The following ZNF354A variants were observed in gnomAD, a reference collection of about 807,000 sequenced individuals.
ZNF354A encodes the protein epididymis luminal protein 104.
ZNF354A carries 25 observed loss-of-function variants against 53.3 expected under a neutral mutation model. The ratio of observed to expected loss-of-function variants is 0.47; its 90% CI spans 0.34 to 0.66. ZNF354A has a LOEUF of 0.66. ZNF354A is among the 30% of genes least tolerant of loss of function. The probability of loss-of-function intolerance (pLI) is 0.01; values close to 1 mark genes in which losing one functional copy is unlikely to be tolerated. For missense variants in ZNF354A, 586 were observed against 716.8 expected (o/e 0.82, Z 2.08); for synonymous variants, 228 against 249.0 (o/e 0.92, Z 0.79).
chr5:178,721,370 A>C (rs890448672), intron 4 of ZNF354A, among the ~76,000 whole-genome samples: 91 of 152,204 alleles, frequency 6.0e-4, no homozygotes, highest in African/African-American at 2.1e-3. Flanking sequence ...TGTGCATCTC[A>C]ACATATTAAA....
rs763777618 is a variant in ZNF354A, at chr5:178,713,212, G to T, written c.666C>A (p.Thr222=). ...KRYKCSLCEK[T]FINTSSLRKH... is the part of the protein sequence containing the mutation. The stretch of plus-strand genomic sequence containing the variant: ...TACGAAGGGATGAAGTGTTAATGAA[G>T]GTTTTTTCACACAGACTACATTTAT... The change falls in exon 5 of 5, where the codon ACC becomes ACA. Residue 222 remains threonine, a synonymous_variant. Transcript: ENST00000335815. 6.2e-7 allele frequency: 1 copy of T among 1,614,134 alleles called. No individual in the cohort carries two copies. Among genetic ancestry groups the T allele is most frequent in the East Asian group, 2.2e-5 (1 of 44,872 alleles).
At chr5:178,729,932 C>A (rs1009184814) in intron 1 of ZNF354A, among the ~76,000 whole-genome samples, 1 of 149,204 alleles carries the variant, frequency 6.7e-6, no homozygotes, top group East Asian at 2.0e-4. Flanking sequence ...GGCTTGATCT[C>A]GGCTCACTGC....
At position 178,712,310 on chromosome 5, in the gene ZNF354A, C is replaced by G; in HGVS notation, c.1568G>C (p.Arg523Pro). Residue 523 changes from arginine (R) to proline (P), a missense_variant, in exon 5 of 5, where the codon CGA becomes CCA. By Grantham distance (103) the Arg-to-Pro change is moderately radical. Transcript: ENST00000335815. ...QRIHTGEKPY[R>P]CEECGISFGQ... ...AAAAGATATCCCACATTCCTCACAT[C>G]GATATGGTTTCTCTCCAGTATGAAT... is the stretch of plus-strand genomic sequence containing the variant. 6.2e-7 allele frequency: 1 copy of G among 1,614,028 alleles called. No homozygotes were observed. Among genetic ancestry groups the G allele is most frequent in the Non-Finnish European group, 8.5e-7 (1 of 1,179,992 alleles).
At chr5:178,728,464 A>C (rs10043035) in intron 2 of ZNF354A, among the ~76,000 whole-genome samples, 37,759 of 151,240 alleles carry the variant, frequency 0.25, 5,220 homozygotes, top group South Asian at 0.35. Context: ...TGCATACACA[A>C]ACACACACAC....
chr5:178,724,792 A>G (rs1274817638), intron 4 of ZNF354A, among the ~76,000 whole-genome samples: 2 of 152,170 alleles, frequency 1.3e-5, no homozygotes, highest in Admixed American at 6.5e-5. Flanking sequence ...CGTCCTAACA[A>G]TGCTCTGTAA....
intron 2 of ZNF354A, 121 bp from the exon 3 acceptor site, chr5:178,727,246 C>T (rs1352690900): frequency 1.7e-6 from 2 of 1,194,368 alleles, no homozygotes; most frequent in Non-Finnish European, 1.1e-6. Context: ...CTGAAGGTTC[C>T]AGATCATTCG....
chr5:178,713,407 T>C lies in ZNF354A; in HGVS notation c.471A>G (p.Arg157=), dbSNP rs545687958. 1.2e-6 allele frequency: 2 copies of C among 1,613,652 alleles called. No individual in the cohort carries two copies. The highest frequency in any genetic ancestry group is 1.7e-6 in the Non-Finnish European group (2 of 1,179,944). The change falls in exon 5 of 5, where the codon AGA becomes AGG. Residue 157 remains arginine (R), a synonymous_variant. Transcript: ENST00000335815. The part of the protein sequence containing the change: ...ATHKKIPTIE[R]SHKNTELSQN... ...GGCTCAATTCAGTATTTTTATGGCT[T>C]CTTTCTATAGTGGGGATTTTTTTGT...
chr5:178,719,124 A>G (rs1377921434), intron 4 of ZNF354A, among the ~76,000 whole-genome samples: 1 of 152,164 alleles, frequency 6.6e-6, no homozygotes, highest in African/African-American at 2.4e-5. Context: ...AATACACAGA[A>G]TTGGTCATGT....
intron 4 of ZNF354A, among the ~76,000 whole-genome samples, chr5:178,723,013 CCA>C: frequency 6.6e-6 from 1 of 152,164 alleles, no homozygotes; most frequent in Non-Finnish European, 1.5e-5. Flanking sequence ...TTGGCGCCCC[CCA>C]TGACACACTG....
chr5:178,726,602 C>A (rs1224936561), intron 3 of ZNF354A, among the ~76,000 whole-genome samples: 2 of 152,172 alleles, frequency 1.3e-5, no homozygotes, highest in Admixed American at 6.5e-5. Flanking sequence ...GCCCAGCCTA[C>A]ATGGCTTTTT....
At chr5:178,727,355 G>A (rs549096701) in intron 2 of ZNF354A, among the ~76,000 whole-genome samples, 2 of 152,264 alleles carry the variant, frequency 1.3e-5, no homozygotes, top group Admixed American at 6.5e-5. Flanking sequence ...GAGGAATTAC[G>A]GCCATTAGTG....
Position 178,713,324 on chromosome 5 carries a change from GT to G in ZNF354A, c.553del (p.Thr185HisfsTer78). 6.2e-7 allele frequency: 1 copy of G among 1,614,108 alleles called. No homozygotes were observed. The highest frequency in any genetic ancestry group is 8.5e-7 in the Non-Finnish European group (1 of 1,180,000). On this transcript the variant is annotated frameshift_variant, in exon 5 of 5. Transcript: ENST00000335815. LOFTEE classifies it high-confidence loss of function. ...IRQQILPREKTPPKCEIQGNS... is the reference protein window; with the variant it reads ...IRQQILPREKXPPKCEIQGNS... ...TCCTTGTATTTCACATTTTGGTGGTGTTTTTTCTCTGGGAAGTATCTGTTGC... is the reference window on the plus strand; with the variant it reads ...TCCTTGTATTTCACATTTTGGTGGTGTTTTTCTCTGGGAAGTATCTGTTGC...
chr5:178,712,745 C>G lies in ZNF354A; in HGVS notation c.1133G>C (p.Gly378Ala). The change falls in exon 5 of 5, where the codon GGA becomes GCA. Residue 378 changes from glycine to alanine, a missense_variant. By Grantham distance (60) the Gly-to-Ala change is moderately conservative (BLOSUM62 0). Around this residue, in one of 2 missense-constraint regions of ZNF354A, gnomAD observed 573 missense variants for 680.1 expected, o/e 0.84. Coordinates refer to ENST00000335815, the MANE Select transcript of ZNF354A (RefSeq NM_005649.3). ...SLRYHQRIHTGEKPFKCSECG... is the reference protein window; with the variant it reads ...SLRYHQRIHTAEKPFKCSECG... Reference sequence around the variant, plus strand: ...TTCACTACATTTAAAAGGCTTCTCTCCAGTGTGAATTCTCTGATGATAACG... The same window carrying G: ...TTCACTACATTTAAAAGGCTTCTCTGCAGTGTGAATTCTCTGATGATAACG... The G allele has an allele frequency of 6.2e-7, 1 of 1,614,026 alleles. No individual in the cohort carries two copies. Among genetic ancestry groups the G allele is most frequent in the Non-Finnish European group, 8.5e-7 (1 of 1,179,954 alleles).
intron 4 of ZNF354A, among the ~76,000 whole-genome samples, chr5:178,722,297 A>G (rs1765826366): frequency 6.6e-6 from 1 of 151,786 alleles, no homozygotes; most frequent in African/African-American, 2.4e-5. Flanking sequence ...CTCAGTCTAC[A>G]TTTTGAGGTA....
At chr5:178,716,126 A>C (rs533308590) in intron 4 of ZNF354A, among the ~76,000 whole-genome samples, 1 of 151,940 alleles carries the variant, frequency 6.6e-6, no homozygotes, top group South Asian at 2.1e-4. Flanking sequence ...CGAACTCCTG[A>C]TCTCATGTTC....
Position 178,711,952 on chromosome 5 carries a change from TA to T in ZNF354A, c.*107del. On this transcript the variant is annotated 3_prime_UTR_variant, in exon 5 of 5. Coordinates refer to ENST00000335815, the MANE Select transcript of ZNF354A (RefSeq NM_005649.3). ...ATGGAATTAAATACCTAATGAGGGC[TA>T]AATTATTACAGTTTTTTTCACATCC... is the stretch of plus-strand genomic sequence containing the variant. 1 of 1,390,796 alleles carries T rather than the reference TA, an allele frequency of 7.2e-7. No homozygotes were observed. The allele number at this position is 1,390,796 out of a possible 1,614,324, so 86.2% of individuals were successfully genotyped here. A position where few individuals can be genotyped will look rare whatever the true frequency, so the allele number is the denominator to read the frequency against.
chr5:178,712,298 C>T lies in ZNF354A; in HGVS notation c.1580G>A (p.Cys527Tyr). ...TGEKPYRCEE[C>Y]GISFGQSSAL... is the part of the protein sequence containing the mutation. ...TGAACTTTGGCCAAAAGATATCCCACATTCCTCACATCGATATGGTTTCTC... is the reference window on the plus strand; with the variant it reads ...TGAACTTTGGCCAAAAGATATCCCATATTCCTCACATCGATATGGTTTCTC... The change falls in exon 5 of 5, where the codon TGT becomes TAT. Residue 527 changes from cysteine to tyrosine, a missense_variant. Around this residue, in one of 2 missense-constraint regions of ZNF354A, gnomAD observed 573 missense variants for 680.1 expected, o/e 0.84. Coordinates refer to ENST00000335815, the MANE Select transcript of ZNF354A (RefSeq NM_005649.3). 1.2e-6 allele frequency: 2 copies of T among 1,614,124 alleles called. No homozygotes were observed. Among genetic ancestry groups the T allele is most frequent in the South Asian group, 1.1e-5 (1 of 91,078 alleles).
rs1440811383 is a variant in ZNF354A at position 178,713,000 on chromosome 5, G to A, written c.878C>T (p.Thr293Ile). Residue 293 changes from threonine to isoleucine, a missense_variant, in exon 5 of 5, where the codon ACT becomes ATT. Physicochemically the swap from Thr to Ile is moderately conservative, Grantham distance 89. This residue lies in a region of ZNF354A where 573 missense variants were observed against 680.1 expected (regional missense o/e 0.84). Transcript: ENST00000335815. ...TSLYKHLRTH[T>I]VEKSYRCKEC... ...TTTACATCTGTAGGATTTCTCCACA[G>A]TATGGGTTCTTAGATGTTTATAAAG... The A allele has an allele frequency of 6.2e-7, 1 of 1,614,160 alleles. No individual in the cohort carries two copies.
Position 178,717,423 on chromosome 5 carries a change from C to T in ZNF354A, c.257-3802G>A, listed in dbSNP as rs146531301. On this transcript the variant is annotated intron_variant, in intron 4 of 4. Transcript: ENST00000335815. ...GACTCCCAGGAAGCTGAGAGGGAAA[C>T]AGGAAAGTTAGGGATCATGCCTAGG... 2.6e-3 allele frequency among the ~76,000 whole-genome samples: 388 copies of T among 151,840 alleles called. 6 individuals carry two copies. The highest frequency in any genetic ancestry group is 1.7e-3 in the Non-Finnish European group (117 of 67,962).
Sources: allele counts gnomAD v4.1 joint callset (sites outside exome capture counted in the v4.1 genomes callset), GRCh38; gene constraint gnomAD v4.1.1; regional missense constraint gnomAD v4.1.1; transcripts MANE v1.5; gene names NCBI Gene and HGNC (gene_info 2026-07-23, HGNC 2026-07-21).